Variants in KANK2 observed in about 807,000 individuals in gnomAD.
KANK2 encodes the protein KN motif and ankyrin repeat domain-containing protein 2.
In KANK2, 41 loss-of-function variants were observed where a neutral mutation model predicts 74.6. That is an observed-to-expected ratio of 0.55 (90% CI 0.43 to 0.71). KANK2 has a LOEUF of 0.71. KANK2 is among the 30% of genes least tolerant of loss of function. KANK2 has a pLI of 0.00. For synonymous variants in KANK2, 537 were observed against 519.0 expected, an observed-to-expected ratio of 1.03 and a Z score of -0.47; for missense variants, 1,148 against 1,196.4, an observed-to-expected ratio of 0.96 and a Z score of 0.60.
chr19:11,192,665 C>T lies in KANK2; in HGVS notation c.1249+166G>A, dbSNP rs147035408. On this transcript the variant is annotated intron_variant, in intron 4 of 12. Transcript: ENST00000586659. ...GGCCAGGCTGGTCTCCAACTCCTGACCTCAAGTGATCTGCCCGCCTCGGCC... is the reference window on the plus strand; with the variant it reads ...GGCCAGGCTGGTCTCCAACTCCTGATCTCAAGTGATCTGCCCGCCTCGGCC... 2,660 of 768,002 alleles carry T rather than the reference C, an allele frequency of 3.5e-3. 50 individuals carry two copies. In the African/African-American group the frequency reaches 0.037, roughly 11 times the overall value. 47.6% of individuals were successfully genotyped at this position (768,002 alleles called of 1,614,324 possible). A position where few individuals can be genotyped will look rare whatever the true frequency, so the allele number is the denominator to read the frequency against.
At chr19:11,192,415 G>GCTGGAC (rs1367365368) in intron 4 of KANK2, 5 of 283,124 alleles carry the variant, frequency 1.8e-5, no homozygotes, top group Non-Finnish European at 3.4e-5. Flanking sequence ...GGGGGCTGGG[G>GCTGGAC]CTGGACCTTG....
In KANK2 at chr19:11,169,867, T is replaced by G; in HGVS notation, c.2502+10A>C. On this transcript the variant is annotated intron_variant, in intron 12 of 12. Coordinates refer to ENST00000586659, the MANE Select transcript of KANK2 (RefSeq NM_001136191.3). ...CCATCCCGTGCCTACCCGGCCGGAT[T>G]GAGACTCACCGAGCACTTGATGTTC... 1.2e-6 allele frequency: 2 copies of G among 1,611,824 alleles called. No homozygotes were observed. The highest frequency in any genetic ancestry group is 1.7e-6 in the Non-Finnish European group (2 of 1,177,946).
intron 4 of KANK2, chr19:11,192,552 AG>A: frequency 2.6e-6 from 1 of 384,972 alleles, no homozygotes; most frequent in Middle Eastern, 8.8e-4. Context: ...CTCCTGCCTC[AG>A]CCTCCTGGGT....
intron 9 of KANK2, among the ~76,000 whole-genome samples, chr19:11,173,799 C>T (rs1465603287): frequency 1.3e-5 from 2 of 152,128 alleles, no homozygotes; most frequent in East Asian, 3.9e-4. Context: ...AGTCATGTCT[C>T]CCTCGTTAGA....
intron 3 of KANK2, 43 bp downstream of exon 3, chr19:11,194,432 T>A: frequency 6.4e-7 from 1 of 1,561,704 alleles, no homozygotes; most frequent in Non-Finnish European, 8.8e-7. Context: ...CCTCCAGAAC[T>A]GAAGCTCCCC....
intron 12 of KANK2, chr19:11,169,584 C>T (rs1184710850): frequency 5.1e-5 from 27 of 532,886 alleles, no homozygotes; most frequent in East Asian, 6.4e-5. Context: ...AGGTGGATCA[C>T]GAGGTCAGGA....
At chr19:11,173,719 C>T (rs750525982) in intron 9 of KANK2, among the ~76,000 whole-genome samples, 22 of 152,164 alleles carry the variant, frequency 1.4e-4, no homozygotes, top group Non-Finnish European at 2.9e-4. Context: ...GTGTCTCCTC[C>T]ATCAGACTGG....
rs1161007953 is a variant in KANK2, at chr19:11,193,881, G to C, written c.199C>G (p.Arg67Gly). Residue 67 changes from arginine to glycine, a missense_variant, in exon 4 of 13, where the codon CGC (arginine) becomes GGC (glycine). Coordinates refer to ENST00000586659, the MANE Select transcript of KANK2 (RefSeq NM_001136191.3). The surrounding 1 kb of genome is among the most constrained non-coding windows in gnomAD (Gnocchi z 9.6). ...CGGGGCAGCGAGCTCAGGCGGGGGC[G>C]GCGCTGCACTGCCACGCGTCGCAGC... is the stretch of plus-strand genomic sequence containing the variant. ...HTLRRVAVQR[R>G]PRLSSLPRGP... 1 of 1,613,490 alleles carries C rather than the reference G, an allele frequency of 6.2e-7. No individual in the cohort carries two copies. The highest frequency in any genetic ancestry group is 1.3e-5 in the African/African-American group (1 of 75,038).
At position 11,194,494 on chromosome 19, in the gene KANK2, G is replaced by T; in HGVS notation, c.18C>A (p.His6Gln). The T allele has an allele frequency of 1.2e-6, 2 of 1,612,758 alleles. No homozygotes were observed. Among genetic ancestry groups the T allele is most frequent in the South Asian group, 1.1e-5 (1 of 91,068 alleles). The change falls in exon 3 of 13, where the codon CAC becomes CAA. Residue 6 changes from histidine to glutamine, a missense_variant. Transcript: ENST00000586659. The part of the protein sequence containing the change: MAQVL[H>Q]VPAPFPGTPG... ...CCTGACCTGGGAAGGGAGCAGGCAC[G>T]TGCAGGACCTGGGCCATCTTCTTTT...
At chr19:11,177,656 C>T (rs936323212) in intron 6 of KANK2, among the ~76,000 whole-genome samples, 2 of 152,128 alleles carry the variant, frequency 1.3e-5, no homozygotes, top group Non-Finnish European at 2.9e-5. Flanking sequence ...CCGGCCACTT[C>T]TAGCCCTTTT....
At chr19:11,184,807 CTTTTTTTTCTTT>C in intron 4 of KANK2, among the ~76,000 whole-genome samples, 1 of 146,292 alleles carries the variant, frequency 6.8e-6, no homozygotes, top group Non-Finnish European at 1.5e-5. Context: ...CAGGGAACTT[CTTTTTTTTCTTT>C]TTTTTTTTTG....
chr19:11,187,997 G>A (rs2078724728), intron 4 of KANK2, among the ~76,000 whole-genome samples: 1 of 152,056 alleles, frequency 6.6e-6, no homozygotes, highest in South Asian at 2.1e-4. Context: ...AAAGAACTGA[G>A]GCAGAGTTGA....
Position 11,170,978 on chromosome 19 carries a change from C to A in KANK2, c.2212-730G>T, listed in dbSNP as rs560253367. ...CTGAGATTACAGGCGTGTGCCACTA[C>A]GCCCAGCTAATTTTTGTATTTTTAG... is the stretch of plus-strand genomic sequence containing the variant. On this transcript the variant is annotated intron_variant, in intron 10 of 12. Coordinates refer to ENST00000586659, the MANE Select transcript of KANK2 (RefSeq NM_001136191.3). This position sits in a 1 kb window ranked among gnomAD's most constrained non-coding sequence, Gnocchi z 5.2. Among the ~76,000 whole-genome samples the A allele has an allele frequency of 6.6e-6, 1 of 152,162 alleles. No homozygotes were observed. The highest frequency in any genetic ancestry group is 1.5e-5 in the Non-Finnish European group (1 of 68,036).
In KANK2 at chr19:11,171,402, G is replaced by A. The variant is rs1600806687; in HGVS notation, c.2212-1154C>T. ...GTCAAGGCTGCAGTCAGCTGTGATT[G>A]CACCACTGCACTCCAGCCTGGGTGA... On this transcript the variant is annotated intron_variant, in intron 10 of 12. Coordinates refer to ENST00000586659, the MANE Select transcript of KANK2 (RefSeq NM_001136191.3). Among the ~76,000 whole-genome samples, 5 of 151,846 alleles carry A rather than the reference G, an allele frequency of 3.3e-5. No homozygotes were observed. In the South Asian group the frequency reaches 1.0e-3, roughly 31 times the overall value.
Position 11,193,238 on chromosome 19 carries a change from C to T in KANK2, c.842G>A (p.Gly281Glu), listed in dbSNP as rs1250680167. The change falls in exon 4 of 13, where the codon GGG becomes GAG. Residue 281 changes from glycine (G) to glutamate (E), a missense_variant. Physicochemically the swap from Gly to Glu is moderately conservative, Grantham distance 98. Transcript: ENST00000586659. The surrounding 1 kb of genome is among the most constrained non-coding windows in gnomAD (Gnocchi z 9.6). Reference protein sequence around the residue: ...VRERDLGMPDGEAALAAKVAV... With the variant: ...VRERDLGMPDEEAALAAKVAV... ...GACCTTGGCGGCGAGGGCAGCCTCC[C>T]CATCAGGCATGCCCAAGTCCCGTTC... is the stretch of plus-strand genomic sequence containing the variant. 3 of 1,609,870 alleles carry T rather than the reference C, an allele frequency of 1.9e-6. No homozygotes were observed. The highest frequency in any genetic ancestry group is 1.1e-5 in the South Asian group (1 of 91,076).
intron 4 of KANK2, among the ~76,000 whole-genome samples, chr19:11,183,550 G>A (rs151111259): frequency 3.2e-4 from 48 of 152,278 alleles, no homozygotes; most frequent in Non-Finnish European, 5.3e-4. Flanking sequence ...GCGCAGTGGC[G>A]TGATCACAGC....
At chr19:11,174,326 G>C (rs2078266939) in intron 9 of KANK2, 147 bp downstream of exon 9, 2 of 676,958 alleles carry the variant, frequency 3.0e-6, no homozygotes, top group South Asian at 3.5e-5. Context: ...GACTGGGAGA[G>C]AGGTGTTCCC....
intron 7 of KANK2, 46 bp downstream of exon 7, chr19:11,176,532 A>C: frequency 1.3e-6 from 2 of 1,522,646 alleles, no homozygotes; most frequent in Non-Finnish European, 8.8e-7. Context: ...GGCAGAGGTC[A>C]TCCACCCCCG....
chr19:11,181,116 A>AGAAAT (rs2078504733), intron 4 of KANK2, among the ~76,000 whole-genome samples: 1 of 146,016 alleles, frequency 6.8e-6, no homozygotes, highest in Non-Finnish European at 1.5e-5. Context: ...AAAAAAAAAA[A>AGAAAT]TTCTGGGAGA....
Sources: allele counts gnomAD v4.1 joint callset (sites outside exome capture counted in the v4.1 genomes callset), GRCh38; gene constraint gnomAD v4.1.1; non-coding constraint Gnocchi (gnomAD v3.1); transcripts MANE v1.5; gene names NCBI Gene and HGNC (gene_info 2026-07-23, HGNC 2026-07-21).